ARHGAP24: variants seen among roughly 807,000 people sequenced by gnomAD.
The protein encoded by ARHGAP24 is rho GTPase-activating protein 24.
A neutral mutation model predicts 76.4 loss-of-function variants in ARHGAP24; 50 were observed. The observed-to-expected ratio is 0.65, with a 90% CI of 0.52 to 0.83. The LOEUF is 0.83. ARHGAP24 is among the 40% of genes least tolerant of loss of function. The probability of loss-of-function intolerance (pLI) is 0.00; values close to 1 mark genes in which losing one functional copy is unlikely to be tolerated. For synonymous variants in ARHGAP24, 345 were observed against 323.3 expected, an observed-to-expected ratio of 1.07 and a Z score of -0.72; for missense variants, 930 against 914.2, an observed-to-expected ratio of 1.02 and a Z score of -0.22.
At chr4:85,637,923 A>G (rs1190960089) in intron 2 of ARHGAP24, among the ~76,000 whole-genome samples, 1 of 152,078 alleles carries the variant, frequency 6.6e-6, no homozygotes, top group Non-Finnish European at 1.5e-5. Flanking sequence ...TGTGGTTTGC[A>G]TTCCTGTTCC....
intron 3 of ARHGAP24, among the ~76,000 whole-genome samples, chr4:85,725,215 C>T (rs1725122902): frequency 6.6e-6 from 1 of 152,128 alleles, no homozygotes; most frequent in Non-Finnish European, 1.5e-5. Context: ...TATGTATCTC[C>T]ATATATTTAG....
chr4:85,505,727 C>T (rs1043654498), intron 1 of ARHGAP24, among the ~76,000 whole-genome samples: 1 of 152,072 alleles, frequency 6.6e-6, no homozygotes, highest in Admixed American at 6.6e-5. Context: ...CTAGTTCTAT[C>T]AACTCGTCAA....
At chr4:85,938,180 A>T (rs1466580935) in intron 4 of ARHGAP24, among the ~76,000 whole-genome samples, 2 of 152,184 alleles carry the variant, frequency 1.3e-5, no homozygotes, top group Non-Finnish European at 2.9e-5. Context: ...GAAAAGTCAC[A>T]TCCTCGGTGA....
At chr4:85,932,200 T>C (rs554977640) in intron 4 of ARHGAP24, among the ~76,000 whole-genome samples, 1 of 152,188 alleles carries the variant, frequency 6.6e-6, no homozygotes, top group Non-Finnish European at 1.5e-5. Context: ...CTCATATTTT[T>C]ATAGATCTAT....
chr4:85,730,102 C>CACATTCTCTGAATAA (rs2110051078), intron 3 of ARHGAP24, among the ~76,000 whole-genome samples: 1 of 152,318 alleles, frequency 6.6e-6, no homozygotes, highest in East Asian at 1.9e-4. Context: ...TGAATAATAT[C>CACATTCTCTGAATAA]TATGCTTTAA....
intron 8 of ARHGAP24, among the ~76,000 whole-genome samples, chr4:85,979,627 A>T (rs1225633466): frequency 1.3e-5 from 2 of 152,168 alleles, no homozygotes; most frequent in South Asian, 2.1e-4. Context: ...AGGTTCATCC[A>T]TGTGGCAATA....
At chr4:85,480,274 G>T (rs1722759988) in intron 1 of ARHGAP24, among the ~76,000 whole-genome samples, 1 of 152,046 alleles carries the variant, frequency 6.6e-6, no homozygotes, top group African/African-American at 2.4e-5. Flanking sequence ...TTTTTGCCTA[G>T]ACTGCTAGGA....
At chr4:85,915,182 G>A (rs1475523276) in intron 3 of ARHGAP24, among the ~76,000 whole-genome samples, 3 of 152,126 alleles carry the variant, frequency 2.0e-5, no homozygotes, top group Non-Finnish European at 2.9e-5. Context: ...TGGGAAACAA[G>A]TATTCAAAAC....
At chr4:85,483,700 G>T (rs973217160) in intron 1 of ARHGAP24, among the ~76,000 whole-genome samples, 10 of 152,122 alleles carry the variant, frequency 6.6e-5, no homozygotes, top group Non-Finnish European at 1.5e-4. Flanking sequence ...GTGTGTGTGT[G>T]TGCATTTCAT....
chr4:85,903,478 G>T (rs934319858), intron 3 of ARHGAP24, among the ~76,000 whole-genome samples: 2 of 151,992 alleles, frequency 1.3e-5, no homozygotes, highest in African/African-American at 4.8e-5. Flanking sequence ...TAATGACACT[G>T]ATGGTTTCAT....
chr4:85,820,196 A>G (rs1729410090), intron 3 of ARHGAP24, among the ~76,000 whole-genome samples: 7 of 152,330 alleles, frequency 4.6e-5, no homozygotes, highest in Admixed American at 2.6e-4. Context: ...TATGTTCATC[A>G]CAGCACCATT....
At chr4:85,546,363 TTAAA>T (rs1725921976) in intron 1 of ARHGAP24, among the ~76,000 whole-genome samples, 2 of 152,004 alleles carry the variant, frequency 1.3e-5, no homozygotes, top group Non-Finnish European at 2.9e-5. Flanking sequence ...GGCATAGCAA[TTAAA>T]TAAAGAGAAT....
intron 3 of ARHGAP24, among the ~76,000 whole-genome samples, chr4:85,736,865 A>T (rs1725625476): frequency 6.6e-6 from 1 of 152,196 alleles, no homozygotes; most frequent in Non-Finnish European, 1.5e-5. Context: ...GAGGATGGTG[A>T]TCTGTGTAAA....
intron 3 of ARHGAP24, among the ~76,000 whole-genome samples, chr4:85,820,061 A>G (rs66596399): frequency 0.099 from 15,120 of 152,244 alleles, 1,129 homozygotes; most frequent in East Asian, 0.29. Flanking sequence ...AACAATTGTG[A>G]AAAGCAGTTT....
At chr4:85,509,002 T>C (rs1724170987) in intron 1 of ARHGAP24, among the ~76,000 whole-genome samples, 2 of 152,090 alleles carry the variant, frequency 1.3e-5, no homozygotes, top group Non-Finnish European at 2.9e-5. Flanking sequence ...GCATAAACTA[T>C]CACTGCATTG....
chr4:85,587,177 T>C (rs965374182), intron 2 of ARHGAP24, among the ~76,000 whole-genome samples: 1 of 152,200 alleles, frequency 6.6e-6, no homozygotes, highest in Non-Finnish European at 1.5e-5. Context: ...TTAATAGTCA[T>C]GTTTAGTTTG....
At chr4:85,557,937 G>T (rs1726453851) in intron 1 of ARHGAP24, among the ~76,000 whole-genome samples, 1 of 151,992 alleles carries the variant, frequency 6.6e-6, no homozygotes, top group East Asian at 1.9e-4. Flanking sequence ...CTTTCCTCAG[G>T]TTACAAATGT....
intron 2 of ARHGAP24, among the ~76,000 whole-genome samples, chr4:85,580,899 T>C (rs1428994101): frequency 6.6e-6 from 1 of 152,226 alleles, no homozygotes. Flanking sequence ...AGCTTTTAGA[T>C]TCCAGCAACC....
At chr4:85,929,164 A>T (rs1468124018) in intron 4 of ARHGAP24, among the ~76,000 whole-genome samples, 3 of 152,214 alleles carry the variant, frequency 2.0e-5, no homozygotes, top group Admixed American at 6.5e-5. Context: ...CTTGAAGGGC[A>T]GCACTGTCTC....
Sources: gnomAD v4.1 joint callset for allele counts (sites outside exome capture counted in the v4.1 genomes callset) on GRCh38, gnomAD v4.1.1 for gene constraint, MANE v1.5 for transcripts, NCBI Gene and HGNC (gene_info 2026-07-23, HGNC 2026-07-21) for gene names.